PGR: variants seen among roughly 807,000 people sequenced by gnomAD.
PGR encodes nuclear receptor subfamily 3 group C member 3.
Under a neutral mutation model 76.1 loss-of-function variants are expected in PGR, and 25 were observed. The ratio of observed to expected loss-of-function variants is 0.33; its 90% CI spans 0.24 to 0.46. The LOEUF (loss-of-function observed/expected upper bound fraction) is 0.46, where lower values mean the gene tolerates loss of function less well. PGR is among the 20% of genes least tolerant of loss of function. The pLI is 1.00. For synonymous variants in PGR, 579 were observed against 535.0 expected, an observed-to-expected ratio of 1.08 and a Z score of -1.14; for missense variants, 1,172 against 1,225.3, an observed-to-expected ratio of 0.96 and a Z score of 0.65.
chr11:101,051,947 A>C, intron 4 of PGR, among the ~76,000 whole-genome samples: 1 of 152,176 alleles, frequency 6.6e-6, no homozygotes, highest in Admixed American at 6.6e-5. Context: ...AGGAGAAACA[A>C]GCACATGAGT....
At chr11:101,066,688 G>T (rs1311347488) in intron 3 of PGR, among the ~76,000 whole-genome samples, 1 of 152,088 alleles carries the variant, frequency 6.6e-6, no homozygotes, top group Non-Finnish European at 1.5e-5. Context: ...GCATCTTCTA[G>T]GTTTGTAACT....
At chr11:101,055,889 T>C (rs1263026902) in intron 4 of PGR, among the ~76,000 whole-genome samples, 1 of 152,184 alleles carries the variant, frequency 6.6e-6, no homozygotes, top group Non-Finnish European at 1.5e-5. Flanking sequence ...TTTAAATTTA[T>C]AAAATTACCA....
intron 3 of PGR, among the ~76,000 whole-genome samples, chr11:101,065,243 A>T (rs1860672338): frequency 6.6e-6 from 1 of 151,778 alleles, no homozygotes; most frequent in African/African-American, 2.4e-5. Flanking sequence ...TACACAGTGG[A>T]CTCCTGATAG....
chr11:101,128,293 C>A lies in PGR; in HGVS notation c.778G>T (p.Ala260Ser), dbSNP rs778694496. ...ACCAGGGCGACGCCTCCTGCTGCCG[C>A]CCCCGGCGGGACAGCCGCGGCTCCT... ...GGGAAAVPPG[A>S]AAGGVALVPK... The change falls in exon 1 of 8, where the codon GCG (alanine) becomes TCG (serine). Residue 260 changes from alanine (A) to serine (S), a missense_variant. By Grantham distance (99) the Ala-to-Ser change is moderately conservative. Coordinates refer to ENST00000325455, the MANE Select transcript of PGR (RefSeq NM_000926.4). The A allele has an allele frequency of 1.3e-6, 2 of 1,592,028 alleles. No homozygotes were observed. Among genetic ancestry groups the A allele is most frequent in the Admixed American group, 1.7e-5 (1 of 59,020 alleles).
chr11:101,070,263 C>T (rs1212939689), intron 3 of PGR, among the ~76,000 whole-genome samples: 2 of 152,164 alleles, frequency 1.3e-5, no homozygotes, highest in Admixed American at 1.3e-4. Flanking sequence ...CCGTGAGTGA[C>T]TGTGCTGTAA....
Position 101,126,165 on chromosome 11 carries a change from A to G in PGR, c.1638-7T>C, listed in dbSNP as rs1443398768. The G allele has an allele frequency of 1.2e-6, 2 of 1,613,812 alleles. No individual in the cohort carries two copies. The highest frequency in any genetic ancestry group is 2.7e-5 in the African/African-American group (2 of 74,940). The stretch of plus-strand genomic sequence containing the variant: ...GCTGGCTTCTGAATCCGGCCTTGAA[A>G]TGCAAAACAAAGTACTCCATTTATT... On this transcript the variant is annotated splice_polypyrimidine_tract_variant and splice_region_variant and intron_variant, in intron 1 of 7. Transcript: ENST00000325455.
intron 3 of PGR, among the ~76,000 whole-genome samples, chr11:101,078,359 CATT>C (rs1314940061): frequency 1.4e-4 from 21 of 152,308 alleles, no homozygotes; most frequent in African/African-American, 5.0e-4. Flanking sequence ...TTCATTTAAT[CATT>C]CTTTTATGTA....
intron 2 of PGR, among the ~76,000 whole-genome samples, chr11:101,094,231 C>G (rs893152370): frequency 3.3e-5 from 5 of 152,198 alleles, no homozygotes; most frequent in African/African-American, 1.2e-4. Flanking sequence ...TCTACATTTG[C>G]TGTTTCTACC....
Position 101,127,775 on chromosome 11 carries a change from G to A in PGR, c.1296C>T (p.Ser432=), listed in dbSNP as rs1459869757. ...CCGTCACCGCCGCTTCCCCGGGTCTGGATGGGGTCGCTCGCGGCGGCAGCG... is the reference window on the plus strand; with the variant it reads ...CCGTCACCGCCGCTTCCCCGGGTCTAGATGGGGTCGCTCGCGGCGGCAGCG... The part of the protein sequence containing the change: ...PPPLPPRATP[S]RPGEAAVTAA... Residue 432 remains serine (S), a synonymous_variant, in exon 1 of 8, where the codon TCC becomes TCT. Coordinates refer to ENST00000325455, the MANE Select transcript of PGR (RefSeq NM_000926.4). The A allele has an allele frequency of 1.3e-6, 2 of 1,563,506 alleles. No homozygotes were observed. Among genetic ancestry groups the A allele is most frequent in the South Asian group, 2.3e-5 (2 of 86,436 alleles).
Position 101,033,147 on chromosome 11 carries a change from A to G in PGR, c.*5969T>C. Reference sequence around the variant, plus strand: ...AAGTTAAAATACACAGAATACTAAGATCAAAAGGAGATACTTTACTGGCTA... The same window carrying G: ...AAGTTAAAATACACAGAATACTAAGGTCAAAAGGAGATACTTTACTGGCTA... On this transcript the variant is annotated 3_prime_UTR_variant, in exon 8 of 8. Transcript: ENST00000325455. 1 of 209,160 alleles carries G rather than the reference A, an allele frequency of 4.8e-6. No individual in the cohort carries two copies. The highest frequency in any genetic ancestry group is 9.7e-6 in the Non-Finnish European group (1 of 102,664). 13.0% of individuals were successfully genotyped at this position (209,160 alleles called of 1,614,324 possible).
rs185195486 is a variant in PGR at position 101,109,273 on chromosome 11, T to C, written c.1789+16734A>G. Among the ~76,000 whole-genome samples, 106 of 152,244 alleles carry C rather than the reference T, an allele frequency of 7.0e-4. 1 individual carries two copies. Among genetic ancestry groups the C allele is most frequent in the Admixed American group, 1.3e-3 (20 of 15,290 alleles). On this transcript the variant is annotated intron_variant, in intron 2 of 7. Coordinates refer to ENST00000325455, the MANE Select transcript of PGR (RefSeq NM_000926.4). ...ACCTTAAATTAAAAGCTAGAAAGAT[T>C]AAGCTTCGTGAGGGAGGAATGTCAA...
At chr11:101,079,076 T>G (rs1861220116) in intron 3 of PGR, among the ~76,000 whole-genome samples, 1 of 152,084 alleles carries the variant, frequency 6.6e-6, no homozygotes, top group Admixed American at 6.6e-5. Flanking sequence ...ACTGGCTACC[T>G]ATATGCAGAA....
intron 2 of PGR, among the ~76,000 whole-genome samples, chr11:101,106,425 T>C (rs1170092896): frequency 2.0e-5 from 3 of 152,038 alleles, no homozygotes; most frequent in African/African-American, 7.2e-5. Flanking sequence ...CAGACACTTC[T>C]CAAAAAAAGA....
At chr11:101,075,272 G>C (rs1042562338) in intron 3 of PGR, among the ~76,000 whole-genome samples, 11 of 152,244 alleles carry the variant, frequency 7.2e-5, no homozygotes, top group African/African-American at 2.6e-4. Context: ...GCCATATACA[G>C]AAAATTGAAA....
intron 2 of PGR, among the ~76,000 whole-genome samples, chr11:101,097,172 G>A (rs1205232237): frequency 1.3e-5 from 2 of 152,106 alleles, no homozygotes; most frequent in Non-Finnish European, 2.9e-5. Context: ...AGTTCAAACT[G>A]TTATGTCTTT....
chr11:101,085,061 TAAACTC>T (rs1861446769), intron 3 of PGR, among the ~76,000 whole-genome samples: 1 of 152,274 alleles, frequency 6.6e-6, no homozygotes, highest in Non-Finnish European at 1.5e-5. Context: ...ATTCTGGACT[TAAACTC>T]AATGCTTGTC....
chr11:101,105,239 ACGG>A (rs1432699642), intron 2 of PGR, among the ~76,000 whole-genome samples: 2 of 152,170 alleles, frequency 1.3e-5, no homozygotes, highest in Admixed American at 1.3e-4. Flanking sequence ...ACTGGAGCAG[ACGG>A]CTAACATGAT....
Position 101,058,775 on chromosome 11 carries a change from A to G in PGR, c.2212+3672T>C, listed in dbSNP as rs373702451. ...ACTTTTAATTTAAACTCTAACATCT[A>G]CAGTAATTTTTAAGACCCTCCTTGA... On this transcript the variant is annotated intron_variant, in intron 4 of 7. Transcript: ENST00000325455. Among the ~76,000 whole-genome samples, 10 of 152,270 alleles carry G rather than the reference A, an allele frequency of 6.6e-5. 1 individual carries two copies. In the South Asian group the frequency reaches 1.9e-3, roughly 28 times the overall value.
intron 6 of PGR, among the ~76,000 whole-genome samples, chr11:101,044,882 T>C (rs1010532160): frequency 6.6e-6 from 1 of 151,892 alleles, no homozygotes; most frequent in Non-Finnish European, 1.5e-5. Context: ...AATTTTTGTC[T>C]TTTTGGTAGA....
Sources: gnomAD v4.1 joint callset for allele counts (sites outside exome capture counted in the v4.1 genomes callset) on GRCh38, gnomAD v4.1.1 for gene constraint, MANE v1.5 for transcripts, NCBI Gene and HGNC (gene_info 2026-07-23, HGNC 2026-07-21) for gene names.